Variants in CHD2 observed in about 807,000 individuals in gnomAD.
CHD2 encodes the protein chromodomain helicase DNA binding protein 2.
A neutral mutation model predicts 243.9 loss-of-function variants in CHD2; 28 were observed. That is an observed-to-expected ratio of 0.11 (90% confidence interval 0.09 to 0.16). The LOEUF (loss-of-function observed/expected upper bound fraction) is 0.16. Ranked by LOEUF, CHD2 falls within the 10% of genes least tolerant of loss-of-function variation. The probability of loss-of-function intolerance (pLI) is 1.00; values close to 1 mark genes in which losing one functional copy is unlikely to be tolerated. For synonymous variants in CHD2, 775 were observed against 779.0 expected (o/e 0.99, Z 0.09); for missense variants, 1,386 against 2,209.8 (o/e 0.63, Z 7.47).
At chr15:92,960,954 G>A (rs1301855873) in intron 16 of CHD2, among the ~76,000 whole-genome samples, 3 of 152,046 alleles carry the variant, frequency 2.0e-5, no homozygotes, top group Non-Finnish European at 4.4e-5. Context: ...CTGGCCGTAA[G>A]TGATCTGCAT....
At chr15:92,920,676 T>C (rs1450130384) in intron 2 of CHD2, among the ~76,000 whole-genome samples, 1 of 152,202 alleles carries the variant, frequency 6.6e-6, no homozygotes, top group Non-Finnish European at 1.5e-5. Flanking sequence ...TGTAGACCTG[T>C]TGTCTGTGAC....
At chr15:93,008,170 G>T (rs1261263673) in intron 34 of CHD2, among the ~76,000 whole-genome samples, 1 of 152,194 alleles carries the variant, frequency 6.6e-6, no homozygotes, top group African/African-American at 2.4e-5. Context: ...AGAGCGTGAA[G>T]GCCTGGCTCC....
chr15:92,919,238 A>G (rs1377726614), intron 2 of CHD2, among the ~76,000 whole-genome samples: 1 of 146,284 alleles, frequency 6.8e-6, no homozygotes, highest in Non-Finnish European at 1.5e-5. Flanking sequence ...CTCATTTTCC[A>G]TTTCCAGTTT....
chr15:92,929,780 C>T (rs1016665302), intron 5 of CHD2, among the ~76,000 whole-genome samples: 3 of 152,010 alleles, frequency 2.0e-5, no homozygotes, highest in African/African-American at 7.3e-5. Flanking sequence ...TATACCAGTT[C>T]AGGGGTTCTC....
chr15:92,945,696 ATT>A (rs113903945), intron 10 of CHD2, 123 bp from the exon 11 acceptor site: 69 of 475,454 alleles, frequency 1.5e-4, no homozygotes, highest in East Asian at 2.4e-4. Context: ...CTATAATCCC[ATT>A]TTTTTTTTTT....
chr15:92,927,390 T>C, intron 4 of CHD2, 60 bp downstream of exon 4: 1 of 1,248,552 alleles, frequency 8.0e-7, no homozygotes, highest in Non-Finnish European at 1.2e-6. Context: ...TCATTCTTTC[T>C]GACTCTGGTA....
At chr15:92,999,705 G>T (rs36048863) in intron 31 of CHD2, among the ~76,000 whole-genome samples, 26,183 of 151,956 alleles carry the variant, frequency 0.17, 2,994 homozygotes, top group Non-Finnish European at 0.25. Flanking sequence ...AATATGTTGA[G>T]TATGCAATAT....
rs764694705 is a variant in CHD2 at position 92,971,885 on chromosome 15, C to T, written c.2310C>T (p.Pro770=). ...KCCNHCYLIK[P]PEENERENGQ... ...GCAACCACTGCTATCTGATTAAACC[C>T]CCTGAAGAAAATGAAAGGGAAAATG... The change falls in exon 18 of 39, where the codon CCC becomes CCT. Residue 770 remains proline (P), a synonymous_variant. Coordinates refer to ENST00000394196, the MANE Select transcript of CHD2 (RefSeq NM_001271.4). 6.2e-7 allele frequency: 1 copy of T among 1,612,658 alleles called. No homozygotes were observed. Among genetic ancestry groups the T allele is most frequent in the Admixed American group, 1.7e-5 (1 of 59,790 alleles).
chr15:92,940,320 C>T (rs1002799396), intron 7 of CHD2, among the ~76,000 whole-genome samples: 48 of 151,914 alleles, frequency 3.2e-4, no homozygotes, highest in Admixed American at 2.9e-3. Flanking sequence ...AGTGTGGTGG[C>T]GGCATGCACC....
At chr15:92,906,889 C>G (rs1367313078) in intron 2 of CHD2, among the ~76,000 whole-genome samples, 1 of 152,142 alleles carries the variant, frequency 6.6e-6, no homozygotes, top group Non-Finnish European at 1.5e-5. Flanking sequence ...TGCACTTCAG[C>G]TTGACTAAGC....
intron 38 of CHD2, among the ~76,000 whole-genome samples, chr15:93,022,614 C>G (rs2054546806): frequency 6.6e-6 from 1 of 152,216 alleles, no homozygotes; most frequent in Non-Finnish European, 1.5e-5. Flanking sequence ...CATGCACATC[C>G]TAAGCAGTAT....
intron 37 of CHD2, 124 bp from the exon 38 acceptor site, chr15:93,019,888 G>A (rs1332077556): frequency 1.1e-5 from 13 of 1,136,298 alleles, no homozygotes; most frequent in Middle Eastern, 2.5e-4. Flanking sequence ...ATCTAAGATC[G>A]TGCCACTGCA....
chr15:92,944,471 C>T lies in CHD2; in HGVS notation c.1109C>T (p.Ala370Val). Reference protein sequence around the residue: ...VEYFNCQQELASELNKQYQIV... With the variant: ...VEYFNCQQELVSELNKQYQIV... ...TATTTCAATTGCCAACAGGAGCTGG[C>T]TTCAGAGTTGAATAAACAGTATCAG... The change falls in exon 10 of 39, where the codon GCT (alanine) becomes GTT (valine). Residue 370 changes from alanine (A) to valine (V), a missense_variant. This residue lies in a region of CHD2 where 200 missense variants were observed against 292.5 expected (regional missense o/e 0.68). Transcript: ENST00000394196. 1 of 1,610,482 alleles carries T rather than the reference C, an allele frequency of 6.2e-7. No homozygotes were observed. The highest frequency in any genetic ancestry group is 8.5e-7 in the Non-Finnish European group (1 of 1,177,340).
At chr15:92,903,920 C>T (rs562654182) in intron 2 of CHD2, among the ~76,000 whole-genome samples, 3 of 152,116 alleles carry the variant, frequency 2.0e-5, no homozygotes, top group Non-Finnish European at 4.4e-5. Flanking sequence ...TTCTAAAAGG[C>T]TGGGGATGAT....
intron 21 of CHD2, 118 bp downstream of exon 21, chr15:92,978,501 G>A (rs2141843398): frequency 9.7e-7 from 1 of 1,032,072 alleles, no homozygotes; most frequent in Non-Finnish European, 1.4e-6. Flanking sequence ...TTCCCCTGAA[G>A]CATTGATTTC....
chr15:92,900,563 C>T lies in CHD2; in HGVS notation c.-333C>T, dbSNP rs1002027674. On this transcript the variant is annotated 5_prime_UTR_variant, in exon 1 of 39. Transcript: ENST00000394196. The stretch of plus-strand genomic sequence containing the variant: ...TGGAAAGAAGCAGCCGTACTGAGAG[C>T]CCAGGTCGTTGTTTTTTCCAGCTTA... 2.5e-6 allele frequency: 1 copy of T among 398,454 alleles called. No homozygotes were observed. The highest frequency in any genetic ancestry group is 2.1e-5 in the African/African-American group (1 of 48,578). The allele number at this position is 398,454 out of a possible 1,614,324, so 24.7% of individuals were successfully genotyped here. A position where few individuals can be genotyped will look rare whatever the true frequency, so the allele number is the denominator to read the frequency against.
intron 33 of CHD2, among the ~76,000 whole-genome samples, chr15:93,003,219 A>T (rs957662105): frequency 1.4e-4 from 21 of 150,978 alleles, no homozygotes; most frequent in African/African-American, 5.1e-4. Context: ...CAGGAGCTCG[A>T]GGCTGCAGTG....
At position 93,020,245 on chromosome 15, in the gene CHD2, G is replaced by A. The variant is rs1248908256; in HGVS notation, c.5140G>A (p.Asp1714Asn). The stretch of plus-strand genomic sequence containing the variant: ...TGACCGAGACCACCGGGGACACAGA[G>A]ATTATTATGACAGGTATGCAAAAGG... Reference protein sequence around the residue: ...SSDRDHRGHRDYYDRHHHDSK... With the variant: ...SSDRDHRGHRNYYDRHHHDSK... The change falls in exon 38 of 39, where the codon GAT becomes AAT. Residue 1714 changes from aspartate to asparagine, a missense_variant. Asp to Asn is a conservative substitution (Grantham distance 23). Coordinates refer to ENST00000394196, the MANE Select transcript of CHD2 (RefSeq NM_001271.4). The A allele has an allele frequency of 1.9e-6, 3 of 1,614,024 alleles. No homozygotes were observed. Among genetic ancestry groups the A allele is most frequent in the Non-Finnish European group, 2.5e-6 (3 of 1,180,036 alleles).
At chr15:92,915,262 C>A (rs1485139064) in intron 2 of CHD2, among the ~76,000 whole-genome samples, 1 of 151,804 alleles carries the variant, frequency 6.6e-6, no homozygotes, top group Non-Finnish European at 1.5e-5. Context: ...CAGAAAAGTT[C>A]AAAGGATATA....
Sources: gnomAD v4.1 joint callset for allele counts (sites outside exome capture counted in the v4.1 genomes callset) on GRCh38, gnomAD v4.1.1 for gene constraint, gnomAD v4.1.1 regional missense constraint, MANE v1.5 for transcripts, NCBI Gene and HGNC (gene_info 2026-07-23, HGNC 2026-07-21) for gene names.